BRINP1: variants seen among roughly 807,000 people sequenced by gnomAD.
The protein encoded by BRINP1 is BMP/retinoic acid-inducible neural-specific protein 1.
In BRINP1, 17 loss-of-function variants were observed where a neutral mutation model predicts 72.9. The observed-to-expected ratio is 0.23, with a 90% CI of 0.16 to 0.35. The LOEUF is 0.35. BRINP1 is among the 10% of genes least tolerant of loss of function. The pLI is 1.00. For missense variants in BRINP1, 850 were observed against 1,001.6 expected (o/e 0.85, Z 2.04); for synonymous variants, 418 against 378.5 (o/e 1.10, Z -1.21).
chr9:119,282,893 CAA>C (rs2118964368), intron 2 of BRINP1: 1 of 985,412 alleles, frequency 1.0e-6, no homozygotes, highest in African/African-American at 1.7e-5. Flanking sequence ...CTGTGTACCG[CAA>C]ACACAAAAGC....
At chr9:119,357,797 C>T (rs1831584048) in intron 1 of BRINP1, among the ~76,000 whole-genome samples, 1 of 152,202 alleles carries the variant, frequency 6.6e-6, no homozygotes, top group Non-Finnish European at 1.5e-5. Context: ...GCATGACAGA[C>T]TTCATTGCAT....
At chr9:119,315,845 A>T (rs1404887535) in intron 1 of BRINP1, among the ~76,000 whole-genome samples, 1 of 152,218 alleles carries the variant, frequency 6.6e-6, no homozygotes, top group Non-Finnish European at 1.5e-5. Flanking sequence ...CCCTTAAGCC[A>T]AAGCCTAATT....
chr9:119,264,247 C>A lies in BRINP1; in HGVS notation c.219-15097G>T, dbSNP rs534701063. 1.4e-3 allele frequency among the ~76,000 whole-genome samples: 212 copies of A among 152,266 alleles called. 1 individual carries two copies. The highest frequency in any genetic ancestry group is 4.8e-3 in the African/African-American group (200 of 41,554). On this transcript the variant is annotated intron_variant, in intron 2 of 7. Coordinates refer to ENST00000265922, the MANE Select transcript of BRINP1 (RefSeq NM_014618.3). ...CCAATCAGTAGCATGTCGGGTAAGA[C>A]CAGAGATCTGCAGGAAAGAAGTCTT... is the stretch of plus-strand genomic sequence containing the variant.
chr9:119,187,262 C>G (rs1829632979), intron 7 of BRINP1, among the ~76,000 whole-genome samples: 1 of 151,898 alleles, frequency 6.6e-6, no homozygotes, highest in Non-Finnish European at 1.5e-5. Flanking sequence ...GCCACTATGG[C>G]TGCCTGTTAC....
At chr9:119,252,467 T>C (rs1830399803) in intron 2 of BRINP1, among the ~76,000 whole-genome samples, 1 of 151,958 alleles carries the variant, frequency 6.6e-6, no homozygotes, top group Non-Finnish European at 1.5e-5. Flanking sequence ...TATAAAATTA[T>C]ATATACATAT....
chr9:119,242,560 A>G (rs17556288), intron 3 of BRINP1, among the ~76,000 whole-genome samples: 15,639 of 152,098 alleles, frequency 0.1, 983 homozygotes, highest in African/African-American at 0.17. Context: ...TGGCATAGAC[A>G]TTCTCTTCTC....
chr9:119,356,443 G>A (rs142749677), intron 1 of BRINP1, among the ~76,000 whole-genome samples: 16 of 152,270 alleles, frequency 1.1e-4, no homozygotes, highest in Middle Eastern at 3.4e-3. Context: ...AACTTGGTCA[G>A]TTTGATTCCC....
chr9:119,339,313 G>A (rs1254459408), intron 1 of BRINP1, among the ~76,000 whole-genome samples: 1 of 152,214 alleles, frequency 6.6e-6, no homozygotes, highest in African/African-American at 2.4e-5. Context: ...ACAGATCGCA[G>A]TTTGCCAACT....
intron 2 of BRINP1, among the ~76,000 whole-genome samples, chr9:119,271,187 G>GTT (rs1830601568): frequency 6.6e-6 from 1 of 152,030 alleles, no homozygotes; most frequent in Non-Finnish European, 1.5e-5. Flanking sequence ...AAAGGGAATA[G>GTT]CTCATAGGTG....
intron 1 of BRINP1, among the ~76,000 whole-genome samples, chr9:119,365,297 T>C (rs1416655013): frequency 2.6e-5 from 4 of 152,190 alleles, no homozygotes; most frequent in African/African-American, 9.7e-5. Context: ...GAAAGAATAA[T>C]AAAGATAATC....
chr9:119,329,622 C>T (rs895680367), intron 1 of BRINP1, among the ~76,000 whole-genome samples: 1 of 152,168 alleles, frequency 6.6e-6, no homozygotes, highest in African/African-American at 2.4e-5. Context: ...AGGAACTGAG[C>T]TCCCATTTGA....
rs577605439 is a variant in BRINP1, at chr9:119,218,663, G to T, written c.686-4508C>A. Among the ~76,000 whole-genome samples, 101 of 151,930 alleles carry T rather than the reference G, an allele frequency of 6.6e-4. 1 individual carries two copies. The highest frequency in any genetic ancestry group is 2.4e-3 in the African/African-American group (99 of 41,440). On this transcript the variant is annotated intron_variant, in intron 5 of 7. Transcript: ENST00000265922. ...TCAACTTGAGTTCTGACACACTCGAGGGTGACCTGGCTTACAACCCCTGTG... is the reference window on the plus strand; with the variant it reads ...TCAACTTGAGTTCTGACACACTCGATGGTGACCTGGCTTACAACCCCTGTG...
chr9:119,341,564 G>GAATAAACAACTGAC (rs1400195871), intron 1 of BRINP1, among the ~76,000 whole-genome samples: 2 of 152,144 alleles, frequency 1.3e-5, no homozygotes, highest in Non-Finnish European at 2.9e-5. Flanking sequence ...GATTTTATGA[G>GAATAAACAACTGAC]AATAAACAAC....
intron 1 of BRINP1, among the ~76,000 whole-genome samples, chr9:119,340,631 C>T (rs576215682): frequency 6.6e-6 from 1 of 152,314 alleles, no homozygotes; most frequent in African/African-American, 2.4e-5. Flanking sequence ...TGATACTCTC[C>T]AAACCTCATT....
intron 7 of BRINP1, among the ~76,000 whole-genome samples, chr9:119,169,998 G>A (rs950324631): frequency 1.3e-5 from 2 of 152,092 alleles, no homozygotes; most frequent in African/African-American, 2.4e-5. Context: ...CATCATCAAA[G>A]ACCAAAAGTA....
chr9:119,247,319 G>A (rs200149477), intron 3 of BRINP1, among the ~76,000 whole-genome samples: 1 of 113,366 alleles, frequency 8.8e-6, no homozygotes, highest in Non-Finnish European at 2.0e-5. Context: ...GTTGGTTGGT[G>A]GAGCGGGTAT....
At chr9:119,168,903 C>T (rs1014204836) in intron 7 of BRINP1, among the ~76,000 whole-genome samples, 2 of 152,138 alleles carry the variant, frequency 1.3e-5, no homozygotes, top group African/African-American at 4.8e-5. Flanking sequence ...GTCAGTTCAA[C>T]CATTGTGGAA....
At chr9:119,183,994 T>C (rs888646080) in intron 7 of BRINP1, among the ~76,000 whole-genome samples, 2 of 151,912 alleles carry the variant, frequency 1.3e-5, no homozygotes, top group Non-Finnish European at 2.9e-5. Flanking sequence ...AAGCAGTCCA[T>C]AGAAATTATA....
Position 119,318,842 on chromosome 9 carries a change from G to GT in BRINP1, c.-50-5438_-50-5437insA, listed in dbSNP as rs372831278. Among the ~76,000 whole-genome samples, 143 of 53,852 alleles carry GT rather than the reference G, an allele frequency of 2.7e-3. 1 individual carries two copies. Among genetic ancestry groups the GT allele is most frequent in the African/African-American group, 5.0e-3 (107 of 21,548 alleles). The allele number at this position is 53,852 out of a possible 152,430, so 35.3% of individuals were successfully genotyped here. On this transcript the variant is annotated intron_variant, in intron 1 of 7. Coordinates refer to ENST00000265922, the MANE Select transcript of BRINP1 (RefSeq NM_014618.3). Reference sequence around the variant, plus strand: ...GGTCATACATGGAAGAGAAATGTGTGGGGTGTGTGTGTGTGTGTGTGTGTG... The same window carrying GT: ...GGTCATACATGGAAGAGAAATGTGTGTGGGTGTGTGTGTGTGTGTGTGTGTG...
Sources: allele counts gnomAD v4.1 joint callset (sites outside exome capture counted in the v4.1 genomes callset), GRCh38; gene constraint gnomAD v4.1.1; transcripts MANE v1.5; gene names NCBI Gene and HGNC (gene_info 2026-07-23, HGNC 2026-07-21).